Variants in CYFIP2 observed in about 807,000 individuals in gnomAD.
The protein encoded by CYFIP2 is cytoplasmic FMR1 interacting protein 2, also known as cytoplasmic FMR1-interacting protein 2.
In CYFIP2, 29 loss-of-function variants were observed where a neutral mutation model predicts 158.7. That is an observed-to-expected ratio of 0.18 (90% CI 0.14 to 0.25). The LOEUF is 0.25. Among genes scored for constraint, CYFIP2 ranks in the 10% least tolerant of loss-of-function variants. The pLI, the probability that CYFIP2 is intolerant of heterozygous loss-of-function variation, is 1.00. For synonymous variants in CYFIP2, 585 were observed against 617.6 expected (o/e 0.95, Z 0.78); for missense variants, 852 against 1,639.5 (o/e 0.52, Z 8.29).
rs745456612 is a variant in CYFIP2, at chr5:157,304,390, C to T, written c.795+24C>T. ...AGGTAAAACTCCCCTGAGGCCGCACCCATGGAGCCTGGGCTTACCCTCTCA... is the reference window on the plus strand; with the variant it reads ...AGGTAAAACTCCCCTGAGGCCGCACTCATGGAGCCTGGGCTTACCCTCTCA... On this transcript the variant is annotated intron_variant, in intron 8 of 30. Coordinates refer to ENST00000620254, the MANE Select transcript of CYFIP2 (RefSeq NM_001037333.3). The T allele has an allele frequency of 2.5e-6, 4 of 1,606,112 alleles. No individual in the cohort carries two copies. In the East Asian group the frequency reaches 6.7e-5, roughly 27 times the overall value.
At chr5:157,327,665 C>T (rs1351291250) in intron 18 of CYFIP2, among the ~76,000 whole-genome samples, 1 of 152,146 alleles carries the variant, frequency 6.6e-6, no homozygotes, top group African/African-American at 2.4e-5. Context: ...CGAATTTGAG[C>T]ACTGATGGGT....
At chr5:157,365,944 T>A (rs902496007) in intron 26 of CYFIP2, among the ~76,000 whole-genome samples, 1 of 152,146 alleles carries the variant, frequency 6.6e-6, no homozygotes, top group Non-Finnish European at 1.5e-5. Context: ...AGTTTGGTAC[T>A]ATTATGAATA....
At position 157,382,738 on chromosome 5, in the gene CYFIP2, C is replaced by T. The variant is rs1220242919; in HGVS notation, c.3112+76C>T. The T allele has an allele frequency of 2.9e-6, 4 of 1,391,772 alleles. No homozygotes were observed. In the African/African-American group the frequency reaches 5.7e-5, roughly 20 times the overall value. 86.2% of individuals were successfully genotyped at this position (1,391,772 alleles called of 1,614,324 possible). On this transcript the variant is annotated intron_variant, in intron 27 of 30. Transcript: ENST00000620254. ...TCTCACTTCCTAATTGCAGTCAACTCAGATCTAGTCAGCAAGGGGGAAGGT... is the reference window on the plus strand; with the variant it reads ...TCTCACTTCCTAATTGCAGTCAACTTAGATCTAGTCAGCAAGGGGGAAGGT...
chr5:157,341,399 A>C (rs1762244548), intron 23 of CYFIP2, among the ~76,000 whole-genome samples: 1 of 152,084 alleles, frequency 6.6e-6, no homozygotes, highest in South Asian at 2.1e-4. Flanking sequence ...AAAAAATAAA[A>C]AATAAAAAAT....
chr5:157,383,475 G>A (rs984176581), intron 28 of CYFIP2, 116 bp downstream of exon 28: 22 of 901,186 alleles, frequency 2.4e-5, no homozygotes, highest in Non-Finnish European at 6.8e-6. Flanking sequence ...GGAAGACAAT[G>A]TCCAATACCC....
intron 8 of CYFIP2, among the ~76,000 whole-genome samples, chr5:157,306,257 T>C (rs1759210929): frequency 6.6e-6 from 1 of 152,076 alleles, no homozygotes; most frequent in African/African-American, 2.4e-5. Flanking sequence ...TTGAGACTTG[T>C]TCACTCTGGC....
In CYFIP2 at chr5:157,390,541, T is replaced by G. The variant is rs1767182704; in HGVS notation, c.3467T>G (p.Leu1156Trp). The G allele has an allele frequency of 6.4e-7, 1 of 1,551,562 alleles. No homozygotes were observed. Among genetic ancestry groups the G allele is most frequent in the Non-Finnish European group, 8.7e-7 (1 of 1,147,322 alleles). Reference sequence around the variant, plus strand: ...CCCAGGCAGTGTTTCGGCGATGGCTTGAACTGGGCTGGTTGCTCCATCATT... The same window carrying G: ...CCCAGGCAGTGTTTCGGCGATGGCTGGAACTGGGCTGGTTGCTCCATCATT... ...FTAEQCFGDG[L>W]NWAGCSIIVL... The change falls in exon 30 of 31, where the codon TTG becomes TGG. Residue 1156 changes from leucine (L) to tryptophan (W), a missense_variant. By Grantham distance (61) the Leu-to-Trp change is moderately conservative. Transcript: ENST00000620254.
intron 28 of CYFIP2, among the ~76,000 whole-genome samples, chr5:157,387,400 G>A (rs1766806035): frequency 6.6e-6 from 1 of 152,192 alleles, no homozygotes; most frequent in African/African-American, 2.4e-5. Context: ...GATAACCTCA[G>A]TTGCCAGTTT....
At chr5:157,377,945 A>G (rs1162383214) in intron 26 of CYFIP2, among the ~76,000 whole-genome samples, 4 of 152,226 alleles carry the variant, frequency 2.6e-5, no homozygotes, top group Non-Finnish European at 5.9e-5. Context: ...AGACAGCCCA[A>G]TGTGCAGATG....
At chr5:157,269,392 C>G (rs956375345) in intron 1 of CYFIP2, 1 of 152,174 alleles carries the variant, frequency 6.6e-6, no homozygotes, top group African/African-American at 2.4e-5. Context: ...CATTTTGCAA[C>G]CATCCAAAAA....
At chr5:157,297,296 G>A (rs1314254883) in intron 5 of CYFIP2, among the ~76,000 whole-genome samples, 1 of 152,234 alleles carries the variant, frequency 6.6e-6, no homozygotes, top group African/African-American at 2.4e-5. Context: ...TGGGAAGGTG[G>A]GGTGTGGATA....
intron 1 of CYFIP2, among the ~76,000 whole-genome samples, chr5:157,271,229 T>C (rs1424009257): frequency 6.6e-6 from 1 of 152,208 alleles, no homozygotes; most frequent in African/African-American, 2.4e-5. Context: ...AGGTTTATTA[T>C]GCCCTGTATA....
At chr5:157,375,601 T>G (rs1417632093) in intron 26 of CYFIP2, 1 of 151,528 alleles carries the variant, frequency 6.6e-6, no homozygotes, top group African/African-American at 2.4e-5. Context: ...CGACCCAAAT[T>G]CATAAATTTT....
At chr5:157,337,296 A>G (rs1293109529) in intron 21 of CYFIP2, among the ~76,000 whole-genome samples, 1 of 152,228 alleles carries the variant, frequency 6.6e-6, no homozygotes, top group Non-Finnish European at 1.5e-5. Flanking sequence ...ATGCTGTTCC[A>G]GAATTGAAAT....
intron 15 of CYFIP2, among the ~76,000 whole-genome samples, chr5:157,323,446 T>C (rs1225510105): frequency 6.6e-6 from 1 of 152,170 alleles, no homozygotes; most frequent in African/African-American, 2.4e-5. Flanking sequence ...AGGCATCTGG[T>C]CCAACCCCCT....
At chr5:157,300,533 CAAAAAAAAA>C (rs72316432) in intron 5 of CYFIP2, among the ~76,000 whole-genome samples, 173 bp from the exon 6 acceptor site, 2 of 121,216 alleles carry the variant, frequency 1.6e-5, no homozygotes, top group African/African-American at 3.1e-5. Flanking sequence ...GACTCCGTCT[CAAAAAAAAA>C]AAAAAAAGAA....
chr5:157,283,586 C>A (rs1348083474), intron 1 of CYFIP2, among the ~76,000 whole-genome samples: 2 of 152,124 alleles, frequency 1.3e-5, no homozygotes, highest in Non-Finnish European at 2.9e-5. Flanking sequence ...CTGCAGAGGG[C>A]AGATGAGGAA....
At chr5:157,283,031 T>C (rs572646653) in intron 1 of CYFIP2, among the ~76,000 whole-genome samples, 1 of 152,316 alleles carries the variant, frequency 6.6e-6, no homozygotes, top group South Asian at 2.1e-4. Context: ...CCTCCACTTA[T>C]CGAGTGTAAT....
intron 23 of CYFIP2, among the ~76,000 whole-genome samples, chr5:157,347,368 G>A (rs567198994): frequency 2.0e-5 from 3 of 151,376 alleles, no homozygotes; most frequent in African/African-American, 4.9e-5. Flanking sequence ...AAAGGTCTCC[G>A]GGAGGCTTGG....
Sources: allele counts gnomAD v4.1 joint callset (sites outside exome capture counted in the v4.1 genomes callset), GRCh38; gene constraint gnomAD v4.1.1; transcripts MANE v1.5; gene names NCBI Gene and HGNC (gene_info 2026-07-23, HGNC 2026-07-21).